The following ASB9 variants were observed in gnomAD, a reference collection of about 807,000 sequenced individuals.
The protein encoded by ASB9 is ankyrin repeat and SOCS box protein 9.
A neutral mutation model predicts 16.6 loss-of-function variants in ASB9; 5 were observed. The observed-to-expected ratio is 0.30, with a 90% confidence interval of 0.16 to 0.63. The LOEUF (loss-of-function observed/expected upper bound fraction) is 0.63. Among genes scored for constraint, ASB9 ranks in the 30% least tolerant of loss-of-function variants. The pLI is 0.82. For synonymous variants in ASB9, 100 were observed against 86.4 expected, an observed-to-expected ratio of 1.16 and a Z score of -0.87; for missense variants, 216 against 229.4, an observed-to-expected ratio of 0.94 and a Z score of 0.38.
intron 1 of ASB9, 142 bp downstream of exon 1, chrX:15,269,637 AAT>A: frequency 2.8e-6 from 1 of 363,052 alleles, no homozygotes. Context: ...CTGTGTAAAG[AAT>A]ATATACCAGT....
At chrX:15,248,482 A>C (rs1924847167) in intron 6 of ASB9, among the ~76,000 whole-genome samples, 1 of 111,967 alleles carries the variant, frequency 8.9e-6, no homozygotes, top group Non-Finnish European at 1.9e-5. Context: ...TAATTTTTAA[A>C]AAACTGGCCT....
At chrX:15,258,174 C>T (rs755676254) in intron 2 of ASB9, among the ~76,000 whole-genome samples, 2 of 111,896 alleles carry the variant, frequency 1.8e-5, no homozygotes, top group South Asian at 3.7e-4. Context: ...AAGCAGAAAC[C>T]GGGGCTCTAA....
At chrX:15,262,858 C>T (rs193267120) in intron 1 of ASB9, among the ~76,000 whole-genome samples, 104 of 112,270 alleles carry the variant, frequency 9.3e-4, no homozygotes, top group Non-Finnish European at 1.3e-3. Context: ...TCTCCAACTC[C>T]TGACCTCAAG....
At position 15,269,794 on chromosome X, in the gene ASB9, G is replaced by A. The variant is rs1926836839; in HGVS notation, c.81C>T (p.Asn27=). The A allele has an allele frequency of 1.7e-6, 2 of 1,207,710 alleles. No homozygotes were observed. Among genetic ancestry groups the A allele is most frequent in the Non-Finnish European group, 1.1e-6 (1 of 893,527 alleles). The change falls in exon 1 of 7, where the codon AAC becomes AAT. Residue 27 remains asparagine, a synonymous_variant. Transcript: ENST00000380488. The stretch of plus-strand genomic sequence containing the variant: ...CCTATGACTCACCGCCCATCAATGG[G>A]TTTGAAAGAAGCCTGATGCCAGGAA... ...RDFPGIRLLS[N]PLMGDAVSDW...
intron 3 of ASB9, among the ~76,000 whole-genome samples, chrX:15,253,877 C>A (rs768263921): frequency 1.8e-5 from 2 of 111,607 alleles, no homozygotes; most frequent in South Asian, 3.7e-4. Flanking sequence ...CAAGCAGGGC[C>A]AGGACCAGAG....
intron 5 of ASB9, among the ~76,000 whole-genome samples, chrX:15,249,743 G>A: frequency 8.9e-6 from 1 of 112,277 alleles, no homozygotes; most frequent in Non-Finnish European, 1.9e-5. Flanking sequence ...GCCCAGAGTG[G>A]CAGAGGTGGG....
At chrX:15,260,286 T>A (rs760164708) in intron 1 of ASB9, among the ~76,000 whole-genome samples, 39 of 111,558 alleles carry the variant, frequency 3.5e-4, no homozygotes, top group African/African-American at 1.2e-3. Flanking sequence ...TAATCCCAGC[T>A]AGTCGGGAGG....
chrX:15,269,993 C>G lies in ASB9; in HGVS notation c.-119G>C, dbSNP rs1027792362. On this transcript the variant is annotated 5_prime_UTR_variant, in exon 1 of 7. Coordinates refer to ENST00000380488, the MANE Select transcript of ASB9 (RefSeq NM_001031739.3). ...GTTCTGTGGCTGGCTGAGCTGCACACGTTCTGGTCAAATGGTCTGCAGCAA... is the reference window on the plus strand; with the variant it reads ...GTTCTGTGGCTGGCTGAGCTGCACAGGTTCTGGTCAAATGGTCTGCAGCAA... 1 of 531,970 alleles carries G rather than the reference C, an allele frequency of 1.9e-6. No individual in the cohort carries two copies. The highest frequency in any genetic ancestry group is 3.0e-6 in the Non-Finnish European group (1 of 332,604). The allele number at this position is 531,970 out of a possible 1,213,427, so 43.8% of individuals were successfully genotyped here. A position where few individuals can be genotyped will look rare whatever the true frequency, so the allele number is the denominator to read the frequency against.
chrX:15,244,682 T>G, intron 6 of ASB9, 52 bp from the exon 7 acceptor site: 1 of 970,804 alleles, frequency 1.0e-6, no homozygotes, highest in Non-Finnish European at 1.3e-6. Flanking sequence ...GATCTAAGAC[T>G]CCTTTTTTTT....
intron 1 of ASB9, among the ~76,000 whole-genome samples, chrX:15,260,689 T>C (rs1298512025): frequency 1.8e-5 from 2 of 111,928 alleles, no homozygotes; most frequent in Non-Finnish European, 3.8e-5. Context: ...CAGTTATGCC[T>C]TGCACGGAAG....
Position 15,267,415 on chromosome X carries a change from A to ATAT in ASB9, c.94+2365_94+2366insATA, listed in dbSNP as rs1303441346. Among the ~76,000 whole-genome samples the ATAT allele has an allele frequency of 6.1e-3, 293 of 48,197 alleles. 1 individual carries two copies. Among genetic ancestry groups the ATAT allele is most frequent in the Middle Eastern group, 9.5e-3 (1 of 105 alleles). The allele number at this position is 48,197 out of a possible 115,157, so 41.9% of individuals were successfully genotyped here. On this transcript the variant is annotated intron_variant, in intron 1 of 6. Coordinates refer to ENST00000380488, the MANE Select transcript of ASB9 (RefSeq NM_001031739.3). ...ACAGAGCGAGACTCCATCTAAAAAAAAAATATATATATATATATAATTATA... is the reference window on the plus strand; with the variant it reads ...ACAGAGCGAGACTCCATCTAAAAAAATATAAATATATATATATATATAATTATA...
chrX:15,260,476 A>C (rs1925890934), intron 1 of ASB9, among the ~76,000 whole-genome samples: 1 of 112,250 alleles, frequency 8.9e-6, no homozygotes, highest in African/African-American at 3.2e-5. Context: ...AAGCCTGAAA[A>C]CCCAATCCCA....
chrX:15,252,702 T>G (rs1455488753), intron 3 of ASB9, among the ~76,000 whole-genome samples: 1 of 112,260 alleles, frequency 8.9e-6, no homozygotes, highest in Non-Finnish European at 1.9e-5. Context: ...TATTTTAAAC[T>G]TCTTTCCTAG....
rs1001049363 is a variant in ASB9, at chrX:15,258,954, A to G, written c.95-9T>C. On this transcript the variant is annotated splice_polypyrimidine_tract_variant and intron_variant, in intron 1 of 6. Coordinates refer to ENST00000380488, the MANE Select transcript of ASB9 (RefSeq NM_001031739.3). ...CCAATCAGACACAGCATCTGTATGG[A>G]AAGAGGGGAATGGGTTATATCCTGC... The G allele has an allele frequency of 1.7e-6, 2 of 1,186,375 alleles. No homozygotes were observed. The highest frequency in any genetic ancestry group is 3.5e-5 in the African/African-American group (2 of 57,396).
At position 15,252,286 on chromosome X, in the gene ASB9, A is replaced by G. The variant is rs1245255446; in HGVS notation, c.401T>C (p.Leu134Pro). 1 of 1,207,438 alleles carries G rather than the reference A, an allele frequency of 8.3e-7. No homozygotes were observed. The highest frequency in any genetic ancestry group is 1.7e-5 in the African/African-American group (1 of 57,212). ...AGCAGCTTCATGGATGGGGGATGCC[A>G]GATCACTCTCAGGTTGAACGCTGGC... ...HGASVQPESDLASPIHEAARR... is the reference protein window; with the variant it reads ...HGASVQPESDPASPIHEAARR... The change falls in exon 4 of 7, where the codon CTG (leucine) becomes CCG (proline). Residue 134 changes from leucine (L) to proline (P), a missense_variant. Coordinates refer to ENST00000380488, the MANE Select transcript of ASB9 (RefSeq NM_001031739.3).
At chrX:15,251,974 A>G (rs1034853543) in intron 4 of ASB9, among the ~76,000 whole-genome samples, 4 of 112,112 alleles carry the variant, frequency 3.6e-5, no homozygotes, top group Non-Finnish European at 5.6e-5. Context: ...AAAATGCTCT[A>G]AAAGGGAGGC....
chrX:15,264,266 T>C (rs1317675863), intron 1 of ASB9, among the ~76,000 whole-genome samples: 2 of 111,500 alleles, frequency 1.8e-5, no homozygotes, highest in African/African-American at 3.3e-5. Context: ...CCTTTTCTTA[T>C]AGGGACTCTG....
intron 2 of ASB9, among the ~76,000 whole-genome samples, chrX:15,256,398 A>G (rs1252526488): frequency 3.2e-4 from 31 of 95,409 alleles, no homozygotes; most frequent in Non-Finnish European, 5.0e-4. Context: ...GGTCACTGCA[A>G]GCTCCACCTC....
intron 3 of ASB9, among the ~76,000 whole-genome samples, chrX:15,253,075 A>G: frequency 9.1e-6 from 1 of 109,581 alleles, no homozygotes; most frequent in Non-Finnish European, 1.9e-5. Flanking sequence ...CTCTACTAAG[A>G]TACAAAAAAT....
Sources: gnomAD v4.1 joint callset for allele counts (sites outside exome capture counted in the v4.1 genomes callset) on GRCh38, gnomAD v4.1.1 for gene constraint, MANE v1.5 for transcripts, NCBI Gene and HGNC (gene_info 2026-07-23, HGNC 2026-07-21) for gene names.